Variants in SESTD1 observed in about 807,000 individuals in gnomAD.
The protein encoded by SESTD1 is SEC14 domain and spectrin repeat-containing protein 1.
SESTD1 carries 43 observed loss-of-function variants against 101.7 expected under a neutral mutation model. The ratio of observed to expected loss-of-function variants is 0.42; its 90% CI spans 0.33 to 0.55. The LOEUF is 0.55. Among genes scored for constraint, SESTD1 ranks in the 20% least tolerant of loss-of-function variants. SESTD1 has a pLI of 0.07. For missense variants in SESTD1, 647 were observed against 815.1 expected, an observed-to-expected ratio of 0.79 and a Z score of 2.51; for synonymous variants, 283 against 286.8, an observed-to-expected ratio of 0.99 and a Z score of 0.13.
intron 1 of SESTD1, among the ~76,000 whole-genome samples, chr2:179,217,610 G>GTGATCCTA (rs2046743852): frequency 6.6e-6 from 1 of 151,622 alleles, no homozygotes; most frequent in Admixed American, 6.6e-5. Context: ...CATCTGACCC[G>GTGATCCTA]TGATCCTATT....
intron 2 of SESTD1, 36 bp downstream of exon 2, chr2:179,191,750 TA>T: frequency 6.5e-7 from 1 of 1,540,110 alleles, no homozygotes. Flanking sequence ...AAAAAGTTTG[TA>T]TATCAAACAC....
rs1418458234 is a variant in SESTD1 at position 179,105,484 on chromosome 2, A to T, written c.*4415T>A. Reference sequence around the variant, plus strand: ...TTTGTATCTTCAGTGTGTAATTCTGAAGATGCATTCTGATACACTAGTGAA... The same window carrying T: ...TTTGTATCTTCAGTGTGTAATTCTGTAGATGCATTCTGATACACTAGTGAA... On this transcript the variant is annotated 3_prime_UTR_variant, in exon 18 of 18. Coordinates refer to ENST00000428443, the MANE Select transcript of SESTD1 (RefSeq NM_178123.5). The T allele has an allele frequency of 1.3e-5, 2 of 152,096 alleles. No homozygotes were observed. Among genetic ancestry groups the T allele is most frequent in the African/African-American group, 4.8e-5 (2 of 41,410 alleles). The allele number at this position is 152,096 out of a possible 1,614,324, so 9.4% of individuals were successfully genotyped here.
At position 179,204,380 on chromosome 2, in the gene SESTD1, A is replaced by G. The variant is rs534492840; in HGVS notation, c.-25-12514T>C. ...AACAATGTAGAGCCAATCACTAACA[A>G]TGTTATTTCTGTGAACCAATGAGAA... On this transcript the variant is annotated intron_variant, in intron 1 of 17. Transcript: ENST00000428443. 2.1e-4 allele frequency among the ~76,000 whole-genome samples: 28 copies of G among 134,566 alleles called. 8 individuals are homozygous for G. Among genetic ancestry groups the G allele is most frequent in the African/African-American group, 8.2e-4 (28 of 33,984 alleles). The allele number at this position is 134,566 out of a possible 152,430, so 88.3% of individuals were successfully genotyped here. A position where few individuals can be genotyped will look rare whatever the true frequency, so the allele number is the denominator to read the frequency against.
rs191317466 is a variant in SESTD1, at chr2:179,172,975, G to C, written c.256-742C>G. ...CTTGCTTGACTTTCTCTTGCACTCTGAATGAAATTCAAATCTCTTACCAAG... is the reference window on the plus strand; with the variant it reads ...CTTGCTTGACTTTCTCTTGCACTCTCAATGAAATTCAAATCTCTTACCAAG... On this transcript the variant is annotated intron_variant, in intron 4 of 17. Coordinates refer to ENST00000428443, the MANE Select transcript of SESTD1 (RefSeq NM_178123.5). Among the ~76,000 whole-genome samples the C allele has an allele frequency of 1.1e-4, 17 of 152,246 alleles. 1 individual carries two copies. The highest frequency in any genetic ancestry group is 4.1e-4 in the African/African-American group (17 of 41,556).
At chr2:179,181,544 C>A (rs1430841088) in intron 3 of SESTD1, among the ~76,000 whole-genome samples, 1 of 152,106 alleles carries the variant, frequency 6.6e-6, no homozygotes, top group Non-Finnish European at 1.5e-5. Flanking sequence ...TGAGATGCAA[C>A]TACACTGAAT....
intron 1 of SESTD1, among the ~76,000 whole-genome samples, chr2:179,254,279 A>G (rs2047360821): frequency 6.6e-6 from 1 of 152,070 alleles, no homozygotes; most frequent in Admixed American, 6.6e-5. Context: ...AGAAAACCTA[A>G]TCTACTCCAT....
intron 12 of SESTD1, 102 bp from the exon 13 acceptor site, chr2:179,122,031 A>G (rs2044764962): frequency 8.2e-7 from 1 of 1,219,304 alleles, no homozygotes; most frequent in Non-Finnish European, 1.1e-6. Context: ...TCCCAAGTAT[A>G]GGAGCTTTGT....
chr2:179,106,477 T>G lies in SESTD1; in HGVS notation c.*3422A>C, dbSNP rs564176677. 1.8e-4 allele frequency: 27 copies of G among 152,274 alleles called. No homozygotes were observed. The highest frequency in any genetic ancestry group is 6.5e-4 in the African/African-American group (27 of 41,568). 9.4% of individuals were successfully genotyped at this position (152,274 alleles called of 1,614,324 possible). On this transcript the variant is annotated 3_prime_UTR_variant, in exon 18 of 18. Coordinates refer to ENST00000428443, the MANE Select transcript of SESTD1 (RefSeq NM_178123.5). ...TTCAGCTAACTTCATAATCACATCA[T>G]TGGTAACAATGGGTTTAGATCAGAG...
chr2:179,152,703 AT>A (rs1454881774), intron 5 of SESTD1, among the ~76,000 whole-genome samples: 1 of 152,204 alleles, frequency 6.6e-6, no homozygotes, highest in Non-Finnish European at 1.5e-5. Context: ...CACCAAAAAC[AT>A]TGCATGAAAA....
intron 1 of SESTD1, among the ~76,000 whole-genome samples, chr2:179,193,529 T>G (rs945072096): frequency 2.0e-5 from 3 of 152,228 alleles, no homozygotes; most frequent in African/African-American, 7.2e-5. Context: ...ACCAGCTTGT[T>G]GAAGACCTGA....
intron 2 of SESTD1, among the ~76,000 whole-genome samples, chr2:179,186,883 G>GA (rs2046241320): frequency 1.3e-5 from 2 of 151,972 alleles, no homozygotes; most frequent in Admixed American, 1.3e-4. Flanking sequence ...AGAAGAGTCA[G>GA]ATCACACACA....
intron 1 of SESTD1, among the ~76,000 whole-genome samples, chr2:179,233,530 G>A (rs573512935): frequency 1.3e-5 from 2 of 151,966 alleles, no homozygotes; most frequent in Admixed American, 6.5e-5. Context: ...CTCAGCTCAC[G>A]GCAACCTCTG....
At position 179,107,590 on chromosome 2, in the gene SESTD1, A is replaced by T. The variant is rs2044411574; in HGVS notation, c.*2309T>A. 6.6e-6 allele frequency: 1 copy of T among 152,192 alleles called. No homozygotes were observed. The highest frequency in any genetic ancestry group is 1.5e-5 in the Non-Finnish European group (1 of 68,020). 9.4% of individuals were successfully genotyped at this position (152,192 alleles called of 1,614,324 possible). ...GTATAACTAAATATCTAAAGTAGTT[A>T]GTATCTAAGAATCTAAGAATAGATT... On this transcript the variant is annotated 3_prime_UTR_variant, in exon 18 of 18. Transcript: ENST00000428443.
intron 9 of SESTD1, among the ~76,000 whole-genome samples, chr2:179,134,881 A>T (rs1318327059): frequency 2.0e-5 from 3 of 152,182 alleles, no homozygotes; most frequent in African/African-American, 7.2e-5. Context: ...ACATCCACCA[A>T]TTAATGATAG....
intron 2 of SESTD1, among the ~76,000 whole-genome samples, chr2:179,190,763 T>A (rs970125364): frequency 6.6e-6 from 1 of 151,976 alleles, no homozygotes; most frequent in African/African-American, 2.4e-5. Context: ...GACACACAAG[T>A]GGCCAACAAG....
intron 1 of SESTD1, among the ~76,000 whole-genome samples, chr2:179,261,282 T>C (rs1008631845): frequency 9.9e-5 from 15 of 152,168 alleles, no homozygotes; most frequent in African/African-American, 3.6e-4. Context: ...TGATTTTTTT[T>C]ATTTTTCCCT....
At chr2:179,138,741 T>A (rs6433758) in intron 9 of SESTD1, among the ~76,000 whole-genome samples, 13,817 of 151,828 alleles carry the variant, frequency 0.091, 2,072 homozygotes, top group African/African-American at 0.32. Flanking sequence ...CATGGTGGCA[T>A]GTGTCTGTAG....
intron 9 of SESTD1, among the ~76,000 whole-genome samples, chr2:179,134,081 TTA>T (rs1391313152): frequency 1.3e-5 from 2 of 152,208 alleles, no homozygotes; most frequent in Non-Finnish European, 2.9e-5. Flanking sequence ...TTATGCCATT[TTA>T]TATGAGACTT....
chr2:179,235,945 C>T (rs753622834), intron 1 of SESTD1, among the ~76,000 whole-genome samples: 2 of 152,098 alleles, frequency 1.3e-5, no homozygotes, highest in Admixed American at 1.3e-4. Context: ...CCATGAAATT[C>T]CTACTCATGC....
Sources: gnomAD v4.1 joint callset for allele counts (sites outside exome capture counted in the v4.1 genomes callset) on GRCh38, gnomAD v4.1.1 for gene constraint, MANE v1.5 for transcripts, NCBI Gene and HGNC (gene_info 2026-07-23, HGNC 2026-07-21) for gene names.